The following ATF7IP2 variants were observed in gnomAD, a reference collection of about 807,000 sequenced individuals.
The protein encoded by ATF7IP2 is activating transcription factor 7 interacting protein 2, also known as activating transcription factor 7-interacting protein 2.
Under a neutral mutation model 64.2 loss-of-function variants are expected in ATF7IP2, and 42 were observed. The ratio of observed to expected loss-of-function variants is 0.65; its 90% CI spans 0.51 to 0.85. ATF7IP2 has a LOEUF of 0.85. Among genes scored for constraint, ATF7IP2 ranks in the 40% least tolerant of loss-of-function variants. The pLI is 0.00. For missense variants in ATF7IP2, 933 were observed against 784.2 expected (o/e 1.19, Z -2.27); for synonymous variants, 308 against 272.8 (o/e 1.13, Z -1.27).
intron 7 of ATF7IP2, among the ~76,000 whole-genome samples, chr16:10,440,141 CAAGAGCG>C: frequency 6.6e-6 from 1 of 152,038 alleles, no homozygotes. Context: ...GCATGGGCAA[CAAGAGCG>C]AAACTCCATC....
intron 1 of ATF7IP2, among the ~76,000 whole-genome samples, chr16:10,396,651 GTTGT>G (rs573419234): frequency 2.6e-5 from 4 of 151,590 alleles, no homozygotes; most frequent in African/African-American, 4.8e-5. Flanking sequence ...GCCTGTTTTT[GTTGT>G]TTGTTTGTTT....
At chr16:10,420,695 G>A (rs561993602) in intron 3 of ATF7IP2, among the ~76,000 whole-genome samples, 3 of 152,298 alleles carry the variant, frequency 2.0e-5, no homozygotes, top group South Asian at 4.1e-4. Context: ...AAAATAATCA[G>A]TTGTTCATCT....
At chr16:10,443,520 A>C (rs974992774) in intron 8 of ATF7IP2, among the ~76,000 whole-genome samples, 3 of 152,234 alleles carry the variant, frequency 2.0e-5, no homozygotes, top group Admixed American at 2.0e-4. Context: ...TTTTGTTGAG[A>C]GTGCAAACAG....
chr16:10,387,121 T>C (rs977653990), intron 1 of ATF7IP2: 1 of 152,248 alleles, frequency 6.6e-6, no homozygotes, highest in African/African-American at 2.4e-5. Context: ...GTTTTTATTA[T>C]GATTTTGTCA....
chr16:10,461,871 C>G (rs917465517), intron 9 of ATF7IP2, among the ~76,000 whole-genome samples: 12 of 152,044 alleles, frequency 7.9e-5, no homozygotes, highest in African/African-American at 2.9e-4. Context: ...AAATAATTAT[C>G]TTTTAATCAG....
intron 1 of ATF7IP2, among the ~76,000 whole-genome samples, chr16:10,406,481 GAAGAA>G (rs2047642913): frequency 6.6e-6 from 1 of 152,100 alleles, no homozygotes; most frequent in South Asian, 2.1e-4. Context: ...AAAAGTAGTA[GAAGAA>G]AAGAAGTAAT....
chr16:10,471,737 G>A (rs2049807393), intron 9 of ATF7IP2, among the ~76,000 whole-genome samples: 1 of 152,024 alleles, frequency 6.6e-6, no homozygotes, highest in South Asian at 2.1e-4. Context: ...GTCTTTATGG[G>A]TCTTAATAGA....
At chr16:10,419,345 G>A (rs1203313917) in intron 2 of ATF7IP2, among the ~76,000 whole-genome samples, 1 of 152,208 alleles carries the variant, frequency 6.6e-6, no homozygotes, top group East Asian at 1.9e-4. Context: ...TGGGTGAGAC[G>A]GGCCTCTATT....
At chr16:10,397,408 A>G (rs2047440962) in intron 1 of ATF7IP2, among the ~76,000 whole-genome samples, 1 of 152,232 alleles carries the variant, frequency 6.6e-6, no homozygotes, top group Non-Finnish European at 1.5e-5. Context: ...CATTGTCTCT[A>G]TAAAGTGTTC....
At chr16:10,433,680 A>C in intron 6 of ATF7IP2, 31 bp downstream of exon 6, 2 of 1,607,586 alleles carry the variant, frequency 1.2e-6, no homozygotes, top group Non-Finnish European at 1.7e-6. Context: ...TGGAACTTTT[A>C]CTTTTGATTA....
At chr16:10,452,983 C>T (rs943969155) in intron 8 of ATF7IP2, among the ~76,000 whole-genome samples, 4 of 152,100 alleles carry the variant, frequency 2.6e-5, no homozygotes, top group South Asian at 2.1e-4. Flanking sequence ...GTGCTGGCAG[C>T]GAGAATTTCA....
chr16:10,423,898 C>G (rs560532534), intron 3 of ATF7IP2, among the ~76,000 whole-genome samples: 1 of 152,272 alleles, frequency 6.6e-6, no homozygotes, highest in South Asian at 2.1e-4. Flanking sequence ...CAGCGTAGTT[C>G]CATGTTCTCC....
intron 9 of ATF7IP2, among the ~76,000 whole-genome samples, chr16:10,459,792 T>C (rs1334211606): frequency 6.6e-6 from 1 of 152,206 alleles, no homozygotes; most frequent in East Asian, 1.9e-4. Flanking sequence ...GTAACTTCTT[T>C]AATCTGACAA....
intron 12 of ATF7IP2, among the ~76,000 whole-genome samples, chr16:10,474,783 A>G (rs1307312889): frequency 6.6e-6 from 1 of 152,234 alleles, no homozygotes; most frequent in Non-Finnish European, 1.5e-5. Flanking sequence ...TGAAGATACA[A>G]TGCAGGTGAA....
intron 1 of ATF7IP2, among the ~76,000 whole-genome samples, chr16:10,408,410 C>T (rs567013263): frequency 3.3e-5 from 5 of 152,144 alleles, no homozygotes; most frequent in South Asian, 2.1e-4. Context: ...TTTAAGGAGT[C>T]GCCACACTGT....
intron 8 of ATF7IP2, among the ~76,000 whole-genome samples, chr16:10,453,554 A>C (rs1175737731): frequency 6.6e-6 from 1 of 152,164 alleles, no homozygotes; most frequent in Non-Finnish European, 1.5e-5. Flanking sequence ...ATCCGAAATA[A>C]TTTTATAGTG....
intron 6 of ATF7IP2, among the ~76,000 whole-genome samples, chr16:10,434,024 A>C (rs2048340263): frequency 6.6e-6 from 1 of 152,202 alleles, no homozygotes; most frequent in Non-Finnish European, 1.5e-5. Context: ...TTAGATCTGC[A>C]GCTCTATCCA....
At chr16:10,481,275 G>A (rs2050214464) in intron 13 of ATF7IP2, among the ~76,000 whole-genome samples, 1 of 152,186 alleles carries the variant, frequency 6.6e-6, no homozygotes, top group Non-Finnish European at 1.5e-5. Context: ...CTGTTGCCCA[G>A]GCTATAGTGC....
intron 5 of ATF7IP2, 150 bp from the exon 6 acceptor site, chr16:10,433,375 A>G (rs750570044): frequency 5.0e-6 from 3 of 595,608 alleles, no homozygotes; most frequent in Admixed American, 3.2e-5. Context: ...AATTTTCACT[A>G]TGTTGCCCAG....
Sources: allele counts gnomAD v4.1 joint callset (sites outside exome capture counted in the v4.1 genomes callset), GRCh38; gene constraint gnomAD v4.1.1; transcripts MANE v1.5; gene names NCBI Gene and HGNC (gene_info 2026-07-23, HGNC 2026-07-21).